The following PPM1E variants were observed in gnomAD, a reference collection of about 807,000 sequenced individuals.
PPM1E encodes the protein protein phosphatase 1E.
PPM1E carries 20 observed loss-of-function variants against 65.9 expected under a neutral mutation model. The ratio of observed to expected loss-of-function variants is 0.30; its 90% CI spans 0.21 to 0.44. The LOEUF is 0.44. PPM1E is among the 20% of genes least tolerant of loss of function. The pLI, the probability that PPM1E is intolerant of heterozygous loss-of-function variation, is 1.00. For synonymous variants in PPM1E, 352 were observed against 374.9 expected (o/e 0.94, Z 0.70); for missense variants, 713 against 953.1 (o/e 0.75, Z 3.32).
chr17:58,953,990 C>T (rs552694800), intron 1 of PPM1E, among the ~76,000 whole-genome samples: 15 of 152,324 alleles, frequency 9.8e-5, no homozygotes, highest in South Asian at 2.1e-4. Context: ...ATGATCCACC[C>T]GCCTTGGCCT....
intron 1 of PPM1E, among the ~76,000 whole-genome samples, chr17:58,844,010 C>T (rs2050747250): frequency 6.6e-6 from 1 of 152,152 alleles, no homozygotes; most frequent in Non-Finnish European, 1.5e-5. Flanking sequence ...AGTTTTGTCA[C>T]ATACCTTTCT....
intron 1 of PPM1E, among the ~76,000 whole-genome samples, chr17:58,893,078 C>T (rs1178044745): frequency 6.6e-6 from 1 of 152,134 alleles, no homozygotes; most frequent in Non-Finnish European, 1.5e-5. Flanking sequence ...GTACTCTTAC[C>T]ATATGATCCA....
chr17:58,826,233 G>A lies in PPM1E; in HGVS notation c.464+69772G>A, dbSNP rs538355667. Reference sequence around the variant, plus strand: ...AATTGCTTGAACCTAGGAGGCAGAGGTTGCAGTGAGCCGAGATGGCTCCAC... The same window carrying A: ...AATTGCTTGAACCTAGGAGGCAGAGATTGCAGTGAGCCGAGATGGCTCCAC... On this transcript the variant is annotated intron_variant, in intron 1 of 6. Coordinates refer to ENST00000308249, the MANE Select transcript of PPM1E (RefSeq NM_014906.5). 8.0e-5 allele frequency among the ~76,000 whole-genome samples: 12 copies of A among 150,930 alleles called. No individual in the cohort carries two copies. The South Asian group carries it at 2.1e-3, about 26-fold the overall frequency.
chr17:58,953,001 C>G (rs1451513590), intron 1 of PPM1E, among the ~76,000 whole-genome samples: 1 of 152,060 alleles, frequency 6.6e-6, no homozygotes, highest in African/African-American at 2.4e-5. Flanking sequence ...AATGACAGCT[C>G]CTTAACTATT....
chr17:58,972,064 T>C (rs1226269142), intron 4 of PPM1E, 68 bp from the exon 5 acceptor site: 3 of 1,435,210 alleles, frequency 2.1e-6, no homozygotes, highest in African/African-American at 2.8e-5. Flanking sequence ...AATTATAAAT[T>C]GCTTCTCAAT....
chr17:58,841,862 C>T (rs1215215826), intron 1 of PPM1E, among the ~76,000 whole-genome samples: 1 of 152,138 alleles, frequency 6.6e-6, no homozygotes, highest in African/African-American at 2.4e-5. Flanking sequence ...TGTGCACCAC[C>T]ACGCCTGGCT....
chr17:58,894,941 A>G (rs2051394384), intron 1 of PPM1E, among the ~76,000 whole-genome samples: 1 of 152,170 alleles, frequency 6.6e-6, no homozygotes, highest in Admixed American at 6.5e-5. Context: ...CACAGATGCT[A>G]CATTTTTTCA....
intron 1 of PPM1E, among the ~76,000 whole-genome samples, chr17:58,772,422 C>T (rs1011657722): frequency 9.2e-5 from 14 of 151,446 alleles, no homozygotes; most frequent in African/African-American, 1.7e-4. Flanking sequence ...TGCTACTGCA[C>T]TCCAGCCTGG....
intron 1 of PPM1E, among the ~76,000 whole-genome samples, chr17:58,843,765 A>C (rs1268027412): frequency 6.6e-6 from 1 of 152,144 alleles, no homozygotes. Context: ...CTGGAGGTTG[A>C]GGGTGCACTG....
At chr17:58,835,643 AC>A (rs2050648146) in intron 1 of PPM1E, among the ~76,000 whole-genome samples, 1 of 151,702 alleles carries the variant, frequency 6.6e-6, no homozygotes, top group Non-Finnish European at 1.5e-5. Context: ...ATATAGTGAG[AC>A]CTCTATCTCT....
In PPM1E at chr17:58,878,867, A is replaced by G. The variant is rs2051157553; in HGVS notation, c.465-76782A>G. Among the ~76,000 whole-genome samples, 3 of 151,466 alleles carry G rather than the reference A, an allele frequency of 2.0e-5. No individual in the cohort carries two copies. The South Asian group carries it at 6.3e-4, about 32-fold the overall frequency. The stretch of plus-strand genomic sequence containing the variant: ...AGAATCGCTTGAACCTGGGAGGCGG[A>G]CACTCCAGCCTGGGCAACAAGAGCG... On this transcript the variant is annotated intron_variant, in intron 1 of 6. Coordinates refer to ENST00000308249, the MANE Select transcript of PPM1E (RefSeq NM_014906.5).
rs757374861 is a variant in PPM1E, at chr17:58,981,259, G to C, written c.*228G>C. On this transcript the variant is annotated 3_prime_UTR_variant, in exon 7 of 7. Coordinates refer to ENST00000308249, the MANE Select transcript of PPM1E (RefSeq NM_014906.5). ...ATTACACAGCTGGTCCCTGTGATGT[G>C]TCTCGACACCAATACACAACCCCCT... The C allele has an allele frequency of 5.0e-5, 24 of 476,694 alleles. No homozygotes were observed. Among genetic ancestry groups the C allele is most frequent in the Non-Finnish European group, 8.5e-5 (23 of 270,338 alleles). The allele number at this position is 476,694 out of a possible 1,614,324, so 29.5% of individuals were successfully genotyped here. A position where few individuals can be genotyped will look rare whatever the true frequency, so the allele number is the denominator to read the frequency against.
At chr17:58,883,480 G>GTTT (rs2051227480) in intron 1 of PPM1E, among the ~76,000 whole-genome samples, 1 of 124,022 alleles carries the variant, frequency 8.1e-6, no homozygotes, top group Non-Finnish European at 1.7e-5. Context: ...TTCGCTGCCT[G>GTTT]TTCTTTTTTT....
rs2050403590 is a variant in PPM1E, at chr17:58,815,161, T to G, written c.464+58700T>G. Among the ~76,000 whole-genome samples the G allele has an allele frequency of 2.0e-5, 3 of 152,290 alleles. No homozygotes were observed. The South Asian group carries it at 6.2e-4, about 32-fold the overall frequency. On this transcript the variant is annotated intron_variant, in intron 1 of 6. Transcript: ENST00000308249. ...ACCAGATTAACTTTAATTAGGTGTA[T>G]GAGTTAGAGTGATAATAGGTGACTG...
intron 1 of PPM1E, among the ~76,000 whole-genome samples, chr17:58,816,939 C>T (rs983067261): frequency 1.3e-5 from 2 of 150,628 alleles, no homozygotes; most frequent in East Asian, 2.0e-4. Flanking sequence ...GGGCCTATGG[C>T]GCATGACCAC....
chr17:58,938,850 G>A (rs554979414), intron 1 of PPM1E, among the ~76,000 whole-genome samples: 6 of 146,562 alleles, frequency 4.1e-5, no homozygotes, highest in South Asian at 2.2e-4. Context: ...GTGCAATGGC[G>A]CGATCTTGAC....
At chr17:58,932,703 A>G (rs2051918298) in intron 1 of PPM1E, among the ~76,000 whole-genome samples, 1 of 152,318 alleles carries the variant, frequency 6.6e-6, no homozygotes, top group South Asian at 2.1e-4. Flanking sequence ...GAAAAATATT[A>G]TTATTGAATG....
chr17:58,978,616 CAGG>C (rs1353572295), intron 6 of PPM1E, among the ~76,000 whole-genome samples: 3 of 152,122 alleles, frequency 2.0e-5, no homozygotes, highest in Non-Finnish European at 4.4e-5. Flanking sequence ...GAGGCGGAGG[CAGG>C]AGAATTGCTG....
At chr17:58,971,300 G>A (rs980703915) in intron 4 of PPM1E, among the ~76,000 whole-genome samples, 7 of 152,114 alleles carry the variant, frequency 4.6e-5, no homozygotes, top group Non-Finnish European at 8.8e-5. Context: ...TAGGGAAAAC[G>A]AGAAGTTGTT....
Sources: gnomAD v4.1 joint callset for allele counts (sites outside exome capture counted in the v4.1 genomes callset) on GRCh38, gnomAD v4.1.1 for gene constraint, MANE v1.5 for transcripts, NCBI Gene and HGNC (gene_info 2026-07-23, HGNC 2026-07-21) for gene names.